The following AFF3 variants were observed in gnomAD, a reference collection of about 807,000 sequenced individuals.
AFF3 encodes the protein AF4/FMR2 family member 3.
In AFF3, 32 loss-of-function variants were observed where a neutral mutation model predicts 129.7. That is an observed-to-expected ratio of 0.25 (90% CI 0.19 to 0.33). The LOEUF (loss-of-function observed/expected upper bound fraction) is 0.33. Among genes scored for constraint, AFF3 ranks in the 10% least tolerant of loss-of-function variants. AFF3 has a pLI of 1.00. For synonymous variants in AFF3, 644 were observed against 635.4 expected (o/e 1.01, Z -0.20); for missense variants, 1,373 against 1,592.0 (o/e 0.86, Z 2.34).
chr2:99,945,376 G>A (rs1432201071), intron 7 of AFF3, among the ~76,000 whole-genome samples: 3 of 152,122 alleles, frequency 2.0e-5, no homozygotes, highest in Non-Finnish European at 4.4e-5. Context: ...CTGCTGATGG[G>A]GTGAAGAGCT....
At chr2:99,575,466 G>A (rs1222212414) in intron 18 of AFF3, among the ~76,000 whole-genome samples, 1 of 134,930 alleles carries the variant, frequency 7.4e-6, no homozygotes, top group East Asian at 2.2e-4. Flanking sequence ...TCACTGTGTT[G>A]GCCAGGCTCG....
intron 13 of AFF3, among the ~76,000 whole-genome samples, chr2:99,624,476 T>C (rs1410728006): frequency 6.6e-6 from 1 of 152,162 alleles, no homozygotes; most frequent in Non-Finnish European, 1.5e-5. Context: ...CAATGAATAA[T>C]TAATAGGATG....
intron 2 of AFF3, chr2:100,106,030 C>G: frequency 1.5e-6 from 2 of 1,319,592 alleles, no homozygotes; most frequent in Non-Finnish European, 2.0e-6. Flanking sequence ...CATCCTCTCA[C>G]CTCACCCACC....
chr2:99,840,830 G>A (rs1223092336), intron 7 of AFF3, among the ~76,000 whole-genome samples: 1 of 152,188 alleles, frequency 6.6e-6, no homozygotes, highest in African/African-American at 2.4e-5. Context: ...GGGCTTGATG[G>A]TCACTTGGAA....
chr2:99,820,479 G>C (rs1687572305), intron 8 of AFF3, among the ~76,000 whole-genome samples: 1 of 151,994 alleles, frequency 6.6e-6, no homozygotes, highest in Non-Finnish European at 1.5e-5. Context: ...AGTGAGTGCT[G>C]AGTGAAATGT....
chr2:99,633,122 A>G (rs1378122002), intron 13 of AFF3, among the ~76,000 whole-genome samples: 1 of 152,142 alleles, frequency 6.6e-6, no homozygotes, highest in African/African-American at 2.4e-5. Flanking sequence ...AGGCTTGACA[A>G]CAGTGCTGAG....
At chr2:100,095,869 G>A (rs1031259342) in intron 4 of AFF3, among the ~76,000 whole-genome samples, 3 of 152,174 alleles carry the variant, frequency 2.0e-5, no homozygotes, top group Admixed American at 6.5e-5. Context: ...CCACCTAATG[G>A]ACTCAGGGTA....
intron 2 of AFF3, among the ~76,000 whole-genome samples, chr2:100,113,729 G>A (rs1007890461): frequency 3.3e-5 from 5 of 152,158 alleles, no homozygotes; most frequent in Admixed American, 3.3e-4. Context: ...TGGGTCTAAC[G>A]GAATGAAAGT....
At chr2:99,958,650 G>A (rs1178723676) in intron 7 of AFF3, among the ~76,000 whole-genome samples, 3 of 152,068 alleles carry the variant, frequency 2.0e-5, no homozygotes, top group African/African-American at 7.2e-5. Flanking sequence ...TGGGGGACAG[G>A]GGAAGGGGAG....
intron 7 of AFF3, among the ~76,000 whole-genome samples, chr2:99,882,239 G>T (rs1353407063): frequency 6.6e-6 from 1 of 152,148 alleles, no homozygotes; most frequent in Admixed American, 6.5e-5. Context: ...CACTGTTGAG[G>T]TTTGCCTGAT....
rs530212329 is a variant in AFF3, at chr2:99,715,894, G to A, written c.1091+11183C>T. 3.3e-3 allele frequency among the ~76,000 whole-genome samples: 505 copies of A among 152,100 alleles called. 3 individuals carry two copies. Among genetic ancestry groups the A allele is most frequent in the Non-Finnish European group, 5.2e-3 (352 of 67,988 alleles). ...TCACCGTGTTAGCCAGGATGGTCTC[G>A]ATCTCCTGACCTCGTGATCCGCCTG... On this transcript the variant is annotated intron_variant, in intron 11 of 24. Coordinates refer to ENST00000672756, the MANE Select transcript of AFF3 (RefSeq NM_001386135.1).
At chr2:100,004,978 G>A (rs1353898686) in intron 7 of AFF3, among the ~76,000 whole-genome samples, 1 of 152,158 alleles carries the variant, frequency 6.6e-6, no homozygotes, top group East Asian at 1.9e-4. Flanking sequence ...TTAGGAAGAG[G>A]GCAGGCTCGC....
chr2:99,964,863 A>G (rs10187195), intron 7 of AFF3, among the ~76,000 whole-genome samples: 37,944 of 152,066 alleles, frequency 0.25, 7,530 homozygotes, highest in African/African-American at 0.55. Context: ...GTTGTAAGAT[A>G]TTAGCACTGG....
At chr2:100,132,420 A>G (rs1174683138) in intron 1 of AFF3, among the ~76,000 whole-genome samples, 1 of 152,222 alleles carries the variant, frequency 6.6e-6, no homozygotes, top group African/African-American at 2.4e-5. Flanking sequence ...CAAAGCCAAC[A>G]CTACTAAAAA....
At chr2:100,012,094 G>A (rs2104779636) in intron 4 of AFF3, among the ~76,000 whole-genome samples, 1 of 152,226 alleles carries the variant, frequency 6.6e-6, no homozygotes, top group South Asian at 2.1e-4. Flanking sequence ...AAGAAGGAGT[G>A]AACACCCTCA....
chr2:99,665,122 A>G (rs1255153218), intron 12 of AFF3, among the ~76,000 whole-genome samples: 2 of 152,208 alleles, frequency 1.3e-5, no homozygotes, highest in Non-Finnish European at 2.9e-5. Flanking sequence ...TGAAGATGAG[A>G]CGTGGACAAA....
At chr2:99,826,565 G>A (rs1166662788) in intron 8 of AFF3, among the ~76,000 whole-genome samples, 1 of 152,156 alleles carries the variant, frequency 6.6e-6, no homozygotes, top group Non-Finnish European at 1.5e-5. Context: ...AGCTAAATGT[G>A]TGGTCAGGGG....
chr2:99,554,492 G>A lies in AFF3; in HGVS notation c.3378C>T (p.Pro1126=), dbSNP rs760851681. The A allele has an allele frequency of 1.9e-6, 3 of 1,613,744 alleles. No homozygotes were observed. Among genetic ancestry groups the A allele is most frequent in the Non-Finnish European group, 2.5e-6 (3 of 1,180,008 alleles). Residue 1126 remains proline, a synonymous_variant, in exon 24 of 25, where the codon CCC becomes CCT. Transcript: ENST00000672756. ...TGCCCTGAGACCCCACGGAGCTGGC[G>A]GGAGAGGGGTTGGGAGACATGGGGG... is the stretch of plus-strand genomic sequence containing the variant. The part of the protein sequence containing the change: ...TPSPMSPNPS[P]ASSVGSQGSL...
At chr2:99,562,029 C>A (rs1281214488) in intron 20 of AFF3, among the ~76,000 whole-genome samples, 2 of 152,232 alleles carry the variant, frequency 1.3e-5, no homozygotes, top group African/African-American at 4.8e-5. Flanking sequence ...GAGAAGCCTG[C>A]TGTCATTCGA....
Sources: gnomAD v4.1 joint callset for allele counts (sites outside exome capture counted in the v4.1 genomes callset) on GRCh38, gnomAD v4.1.1 for gene constraint, MANE v1.5 for transcripts, NCBI Gene and HGNC (gene_info 2026-07-23, HGNC 2026-07-21) for gene names.